Variants in ARHGAP24 observed in about 807,000 individuals in gnomAD.
The protein encoded by ARHGAP24 is Rho GTPase activating protein 24.
In ARHGAP24, 50 loss-of-function variants were observed where a neutral mutation model predicts 76.4. The observed-to-expected ratio is 0.65, with a 90% CI of 0.52 to 0.83. The LOEUF is 0.83. Among genes scored for constraint, ARHGAP24 ranks in the 40% least tolerant of loss-of-function variants. ARHGAP24 has a pLI of 0.00. For missense variants in ARHGAP24, 930 were observed against 914.2 expected, an observed-to-expected ratio of 1.02 and a Z score of -0.22; for synonymous variants, 345 against 323.3, an observed-to-expected ratio of 1.07 and a Z score of -0.72.
intron 3 of ARHGAP24, among the ~76,000 whole-genome samples, chr4:85,746,074 A>T (rs991294746): frequency 6.6e-6 from 1 of 152,218 alleles, no homozygotes; most frequent in African/African-American, 2.4e-5. Context: ...ATATAATTCT[A>T]TAGATTTCCT....
At chr4:85,932,297 T>C (rs1736377718) in intron 4 of ARHGAP24, among the ~76,000 whole-genome samples, 1 of 152,252 alleles carries the variant, frequency 6.6e-6, no homozygotes, top group South Asian at 2.1e-4. Context: ...GACAAATTGC[T>C]TAAAGGATAG....
intron 2 of ARHGAP24, among the ~76,000 whole-genome samples, chr4:85,636,963 G>A (rs1022290230): frequency 1.3e-5 from 2 of 152,142 alleles, no homozygotes; most frequent in East Asian, 1.9e-4. Context: ...AGGAAGGAAT[G>A]AACATATATT....
chr4:85,861,330 C>T (rs1731884848), intron 3 of ARHGAP24, among the ~76,000 whole-genome samples: 2 of 152,092 alleles, frequency 1.3e-5, no homozygotes, highest in Non-Finnish European at 2.9e-5. Flanking sequence ...AGATGAAATG[C>T]TATGCTGTGT....
At chr4:85,636,607 G>A (rs767669192) in intron 2 of ARHGAP24, among the ~76,000 whole-genome samples, 9 of 151,586 alleles carry the variant, frequency 5.9e-5, no homozygotes, top group Admixed American at 4.0e-4. Context: ...TCACTATTAC[G>A]CCTTGACACT....
intron 3 of ARHGAP24, among the ~76,000 whole-genome samples, chr4:85,786,403 G>A (rs2110090407): frequency 1.3e-5 from 2 of 152,240 alleles, no homozygotes; most frequent in Middle Eastern, 6.8e-3. Context: ...CTACTTTTTA[G>A]TAGGGGAAGC....
At chr4:85,633,760 G>A (rs1054614416) in intron 2 of ARHGAP24, among the ~76,000 whole-genome samples, 17 of 151,856 alleles carry the variant, frequency 1.1e-4, no homozygotes, top group Non-Finnish European at 2.5e-4. Context: ...TTTTAGGGCA[G>A]GTATAGCTCT....
chr4:85,820,655 C>T (rs1181125695), intron 3 of ARHGAP24, among the ~76,000 whole-genome samples: 1 of 152,048 alleles, frequency 6.6e-6, no homozygotes, highest in Non-Finnish European at 1.5e-5. Flanking sequence ...TACATATTTG[C>T]TCAATAGTAA....
At chr4:85,572,846 G>A (rs1034682545) in intron 2 of ARHGAP24, among the ~76,000 whole-genome samples, 7 of 150,468 alleles carry the variant, frequency 4.7e-5, no homozygotes, top group African/African-American at 1.7e-4. Context: ...TTAAAATGTA[G>A]GATAAATAAC....
At chr4:85,550,901 A>C (rs1239400272) in intron 1 of ARHGAP24, among the ~76,000 whole-genome samples, 2 of 152,182 alleles carry the variant, frequency 1.3e-5, no homozygotes, top group African/African-American at 4.8e-5. Flanking sequence ...ACTTTGCTGA[A>C]GTTGTTTATT....
chr4:85,722,114 A>T (rs1724967814), intron 3 of ARHGAP24, 142 bp downstream of exon 3: 2 of 727,568 alleles, frequency 2.7e-6, no homozygotes, highest in Non-Finnish European at 4.7e-6. Flanking sequence ...GCAGATAATG[A>T]CTGCAGGTTT....
intron 2 of ARHGAP24, among the ~76,000 whole-genome samples, chr4:85,712,320 G>A (rs1724559138): frequency 2.0e-5 from 3 of 152,052 alleles, no homozygotes; most frequent in South Asian, 2.1e-4. Flanking sequence ...AAAAATGATT[G>A]ACTAATTAAC....
intron 2 of ARHGAP24, among the ~76,000 whole-genome samples, chr4:85,642,039 C>A (rs1373787718): frequency 6.6e-6 from 1 of 152,124 alleles, no homozygotes; most frequent in African/African-American, 2.4e-5. Flanking sequence ...GTGCAGCATT[C>A]CTTCATCATA....
rs113645290 is a variant in ARHGAP24, at chr4:85,856,990, G to A, written c.269-66658G>A. Among the ~76,000 whole-genome samples, 1,136 of 152,100 alleles carry A rather than the reference G, an allele frequency of 7.5e-3. 10 individuals carry two copies. The highest frequency in any genetic ancestry group is 0.026 in the African/African-American group (1,077 of 41,482). ...CTCGTGAATGTAGATACATCAAAAT[G>A]TATTTATTATTTCCTCATTGATGGA... On this transcript the variant is annotated intron_variant, in intron 3 of 9. Coordinates refer to ENST00000395184, the MANE Select transcript of ARHGAP24 (RefSeq NM_001025616.3).
At chr4:85,806,414 T>C (rs928053470) in intron 3 of ARHGAP24, among the ~76,000 whole-genome samples, 5 of 152,228 alleles carry the variant, frequency 3.3e-5, no homozygotes, top group East Asian at 1.9e-4. Flanking sequence ...GTTGAAAATA[T>C]GCTGTTTGGC....
chr4:85,846,254 G>A (rs982760057), intron 3 of ARHGAP24, among the ~76,000 whole-genome samples: 3 of 152,070 alleles, frequency 2.0e-5, no homozygotes, highest in African/African-American at 7.2e-5. Flanking sequence ...TTATTTTCAT[G>A]GGGTTATTAC....
intron 3 of ARHGAP24, among the ~76,000 whole-genome samples, chr4:85,787,975 A>T (rs1035944921): frequency 1.3e-5 from 2 of 152,198 alleles, no homozygotes; most frequent in Admixed American, 1.3e-4. Flanking sequence ...GTCTAAGAAG[A>T]TGTGTCCAAA....
intron 4 of ARHGAP24, among the ~76,000 whole-genome samples, chr4:85,927,386 A>C (rs1219335166): frequency 6.6e-6 from 1 of 152,186 alleles, no homozygotes; most frequent in African/African-American, 2.4e-5. Context: ...GTTTATTTTT[A>C]AAATGAAAAT....
intron 3 of ARHGAP24, among the ~76,000 whole-genome samples, chr4:85,831,725 A>G (rs945429056): frequency 1.3e-5 from 2 of 152,056 alleles, no homozygotes; most frequent in African/African-American, 4.8e-5. Flanking sequence ...AACATAGCAA[A>G]ACTCAGTCTC....
At chr4:85,900,226 A>G (rs1429067016) in intron 3 of ARHGAP24, among the ~76,000 whole-genome samples, 1 of 152,212 alleles carries the variant, frequency 6.6e-6, no homozygotes, top group Non-Finnish European at 1.5e-5. Context: ...AATATTATCA[A>G]TTATCAATAT....
Sources: gnomAD v4.1 joint callset for allele counts (sites outside exome capture counted in the v4.1 genomes callset) on GRCh38, gnomAD v4.1.1 for gene constraint, MANE v1.5 for transcripts, NCBI Gene and HGNC (gene_info 2026-07-23, HGNC 2026-07-21) for gene names.